The following DOK6 variants were observed in gnomAD, a reference collection of about 807,000 sequenced individuals.
DOK6 encodes the protein docking protein 6.
In DOK6, 22 loss-of-function variants were observed where a neutral mutation model predicts 44.0. The observed-to-expected ratio is 0.50, with a 90% CI of 0.36 to 0.71. DOK6 has a LOEUF of 0.71. Among genes scored for constraint, DOK6 ranks in the 30% least tolerant of loss-of-function variants. The pLI is 0.00. For missense variants in DOK6, 340 were observed against 416.4 expected, an observed-to-expected ratio of 0.82 and a Z score of 1.60; for synonymous variants, 166 against 145.5, an observed-to-expected ratio of 1.14 and a Z score of -1.01.
chr18:69,481,306 G>A (rs999108212), intron 1 of DOK6, among the ~76,000 whole-genome samples: 2 of 152,028 alleles, frequency 1.3e-5, no homozygotes, highest in African/African-American at 2.4e-5. Flanking sequence ...CATGTGCCAT[G>A]TTGGTGTGCT....
At chr18:69,586,093 A>G (rs1983492945) in intron 2 of DOK6, among the ~76,000 whole-genome samples, 1 of 152,242 alleles carries the variant, frequency 6.6e-6, no homozygotes, top group South Asian at 2.1e-4. Flanking sequence ...AGATGTGTGC[A>G]GTAAACAGGG....
chr18:69,757,761 G>A lies in DOK6; in HGVS notation c.744G>A (p.Gln248=), dbSNP rs1979405184. The change falls in exon 7 of 8, where the codon CAG becomes CAA. Residue 248 remains glutamine (Q), a synonymous_variant. Coordinates refer to ENST00000382713, the MANE Select transcript of DOK6 (RefSeq NM_152721.6). ...MLEMEQKARL[Q]TSLTEPMTLS... ...CACATTCTTTTCTCTTTTAGCTTCA[G>A]ACAAGCTTGACTGAACCAATGACAT... is the stretch of plus-strand genomic sequence containing the variant. The A allele has an allele frequency of 6.2e-7, 1 of 1,613,812 alleles. No individual in the cohort carries two copies.
At chr18:69,543,111 T>C (rs17081199) in intron 1 of DOK6, among the ~76,000 whole-genome samples, 8,424 of 151,396 alleles carry the variant, frequency 0.056, 803 homozygotes, top group African/African-American at 0.19. Context: ...CTTAGATTCC[T>C]TAGGTCTTAG....
intron 1 of DOK6, among the ~76,000 whole-genome samples, chr18:69,545,370 C>T (rs1168809381): frequency 6.7e-6 from 1 of 150,286 alleles, no homozygotes; most frequent in African/African-American, 2.4e-5. Flanking sequence ...ATGACAGTTT[C>T]ACACTGTTGA....
At chr18:69,605,076 T>TGTG (rs1983963599) in intron 3 of DOK6, among the ~76,000 whole-genome samples, 8 of 125,780 alleles carry the variant, frequency 6.4e-5, no homozygotes, top group African/African-American at 2.4e-4. Flanking sequence ...AGAGATCCCT[T>TGTG]TGTGTGTGTG....
chr18:69,454,642 A>C (rs1401949042), intron 1 of DOK6, among the ~76,000 whole-genome samples: 1 of 118,788 alleles, frequency 8.4e-6, no homozygotes, highest in Non-Finnish European at 1.8e-5. Flanking sequence ...CACAATAGCA[A>C]AGACTTGGAA....
At chr18:69,826,915 T>C (rs1193738404) in intron 7 of DOK6, among the ~76,000 whole-genome samples, 1 of 152,146 alleles carries the variant, frequency 6.6e-6, no homozygotes, top group Non-Finnish European at 1.5e-5. Flanking sequence ...AACTCTCCTA[T>C]TGGATGCTAG....
intron 1 of DOK6, among the ~76,000 whole-genome samples, chr18:69,521,609 G>C (rs1417313119): frequency 6.6e-6 from 1 of 151,858 alleles, no homozygotes; most frequent in Non-Finnish European, 1.5e-5. Flanking sequence ...TCGATTTGAG[G>C]ATTAAATTTT....
intron 3 of DOK6, among the ~76,000 whole-genome samples, chr18:69,632,448 A>G (rs1984710837): frequency 1.3e-5 from 2 of 152,164 alleles, no homozygotes; most frequent in Non-Finnish European, 1.5e-5. Flanking sequence ...ATTAGAACAG[A>G]CTTCTAAATT....
chr18:69,724,573 C>G (rs1388023698), intron 5 of DOK6, among the ~76,000 whole-genome samples: 22 of 152,194 alleles, frequency 1.4e-4, no homozygotes, highest in Admixed American at 1.4e-3. Flanking sequence ...AACAACTTTC[C>G]TTATGACATT....
chr18:69,755,313 C>A (rs1979319082), intron 6 of DOK6, among the ~76,000 whole-genome samples: 1 of 152,038 alleles, frequency 6.6e-6, no homozygotes, highest in Admixed American at 6.6e-5. Context: ...AGAAAAATGT[C>A]TCCCAGAATA....
intron 1 of DOK6, among the ~76,000 whole-genome samples, chr18:69,484,573 GT>G: frequency 6.6e-6 from 1 of 152,268 alleles, no homozygotes; most frequent in East Asian, 1.9e-4. Context: ...GAAATACAGG[GT>G]TGGGTTCTCA....
chr18:69,817,622 G>GC (rs1981439483), intron 7 of DOK6, among the ~76,000 whole-genome samples: 1 of 152,042 alleles, frequency 6.6e-6, no homozygotes, highest in Non-Finnish European at 1.5e-5. Context: ...TTCTTATAAA[G>GC]CCATCACTTC....
chr18:69,734,066 C>T (rs998318678), intron 5 of DOK6, among the ~76,000 whole-genome samples: 1 of 151,220 alleles, frequency 6.6e-6, no homozygotes, highest in Non-Finnish European at 1.5e-5. Flanking sequence ...AGAAATTCTT[C>T]GATATTTTCT....
At chr18:69,617,586 G>C (rs201241316) in intron 3 of DOK6, among the ~76,000 whole-genome samples, 3,616 of 94,556 alleles carry the variant, frequency 0.038, 80 homozygotes, top group East Asian at 0.16. Context: ...GAAAGAGAGA[G>C]AGACAGAAAA....
chr18:69,650,921 G>A lies in DOK6; in HGVS notation c.290-26813G>A, dbSNP rs567547914. ...GCCTGTCCATATTTTATTCATTGCAGCATCTAAATGCCCTTCATCAAGGCG... is the reference window on the plus strand; with the variant it reads ...GCCTGTCCATATTTTATTCATTGCAACATCTAAATGCCCTTCATCAAGGCG... On this transcript the variant is annotated intron_variant, in intron 3 of 7. Transcript: ENST00000382713. 3.0e-4 allele frequency among the ~76,000 whole-genome samples: 45 copies of A among 152,132 alleles called. 1 individual carries two copies. Among genetic ancestry groups the A allele is most frequent in the Middle Eastern group, 3.4e-3 (1 of 294 alleles).
chr18:69,775,352 A>G (rs893670034), intron 7 of DOK6, among the ~76,000 whole-genome samples: 2 of 152,006 alleles, frequency 1.3e-5, no homozygotes, highest in African/African-American at 2.4e-5. Context: ...CCTAATATAC[A>G]TTAACTTTAA....
At chr18:69,439,436 T>C (rs916722439) in intron 1 of DOK6, among the ~76,000 whole-genome samples, 4 of 152,230 alleles carry the variant, frequency 2.6e-5, no homozygotes, top group African/African-American at 7.2e-5. Flanking sequence ...CCTTTCTAGA[T>C]ATGAAAGTCC....
intron 1 of DOK6, among the ~76,000 whole-genome samples, chr18:69,546,164 C>CAT (rs1982398279): frequency 6.6e-6 from 1 of 150,676 alleles, no homozygotes; most frequent in African/African-American, 2.4e-5. Flanking sequence ...GTAATCCCAG[C>CAT]TACTTGGGAG....
Sources: gnomAD v4.1 joint callset for allele counts (sites outside exome capture counted in the v4.1 genomes callset) on GRCh38, gnomAD v4.1.1 for gene constraint, MANE v1.5 for transcripts, NCBI Gene and HGNC (gene_info 2026-07-23, HGNC 2026-07-21) for gene names.